Variants in ITGA1 observed in about 807,000 individuals in gnomAD.
ITGA1 encodes integrin subunit alpha 1.
A neutral mutation model predicts 145.9 loss-of-function variants in ITGA1; 85 were observed. That is an observed-to-expected ratio of 0.58 (90% confidence interval 0.49 to 0.70). The LOEUF is 0.70. Among genes scored for constraint, ITGA1 ranks in the 30% least tolerant of loss-of-function variants. The probability of loss-of-function intolerance (pLI) is 0.00; values close to 1 mark genes in which losing one functional copy is unlikely to be tolerated. For missense variants in ITGA1, 1,351 were observed against 1,418.7 expected (o/e 0.95, Z 0.77); for synonymous variants, 520 against 495.3 (o/e 1.05, Z -0.66).
chr5:52,909,713 T>C (rs1750468399), intron 13 of ITGA1, among the ~76,000 whole-genome samples: 1 of 151,942 alleles, frequency 6.6e-6, no homozygotes, highest in Non-Finnish European at 1.5e-5. Flanking sequence ...GGCTGTTTTG[T>C]CCTTTTTCCA....
intron 11 of ITGA1, among the ~76,000 whole-genome samples, chr5:52,901,347 C>G (rs573466129): frequency 6.6e-6 from 1 of 152,268 alleles, no homozygotes; most frequent in East Asian, 1.9e-4. Flanking sequence ...AGCTCTATGC[C>G]AGACTTCTAA....
At chr5:52,803,941 A>G (rs530494355) in intron 1 of ITGA1, 2 of 152,316 alleles carry the variant, frequency 1.3e-5, no homozygotes, top group South Asian at 2.1e-4. Flanking sequence ...AGGTCTTTCA[A>G]AAAAGTTAAC....
At chr5:52,874,706 T>C (rs531897782) in intron 6 of ITGA1, among the ~76,000 whole-genome samples, 1 of 152,300 alleles carries the variant, frequency 6.6e-6, no homozygotes, top group East Asian at 1.9e-4. Flanking sequence ...TCAAGTATTA[T>C]GCTAGGTGTC....
At chr5:52,911,211 A>G (rs1389265185) in intron 14 of ITGA1, among the ~76,000 whole-genome samples, 1 of 136,396 alleles carries the variant, frequency 7.3e-6, no homozygotes, top group Non-Finnish European at 1.5e-5. Flanking sequence ...TATATAATAT[A>G]TAGTGTATAT....
At chr5:52,946,714 A>G (rs981774994) in intron 27 of ITGA1, among the ~76,000 whole-genome samples, 1 of 152,174 alleles carries the variant, frequency 6.6e-6, no homozygotes, top group African/African-American at 2.4e-5. Flanking sequence ...TAGCTGGAAC[A>G]CTAAAAGCGG....
At chr5:52,927,733 T>C in intron 20 of ITGA1, 69 bp downstream of exon 20, 1 of 1,010,726 alleles carries the variant, frequency 9.9e-7, no homozygotes, top group Non-Finnish European at 1.5e-6. Flanking sequence ...GACAAATATA[T>C]AAATCCTTCC....
chr5:52,920,824 G>C (rs1241351220), intron 17 of ITGA1, among the ~76,000 whole-genome samples: 2 of 152,150 alleles, frequency 1.3e-5, no homozygotes, highest in Non-Finnish European at 2.9e-5. Flanking sequence ...TGTGGGCCTT[G>C]TCTGTCAGTT....
At chr5:52,888,633 G>A (rs1328755254) in intron 8 of ITGA1, among the ~76,000 whole-genome samples, 2 of 152,238 alleles carry the variant, frequency 1.3e-5, no homozygotes, top group Admixed American at 6.5e-5. Context: ...AGACATTCTA[G>A]TGGGGAACAA....
chr5:52,856,549 T>C, intron 2 of ITGA1, among the ~76,000 whole-genome samples: 1 of 152,146 alleles, frequency 6.6e-6, no homozygotes, highest in East Asian at 1.9e-4. Context: ...CCAGAGGAGC[T>C]GCCTGACAGA....
intron 6 of ITGA1, among the ~76,000 whole-genome samples, chr5:52,869,851 T>C (rs896989210): frequency 3.3e-5 from 5 of 152,186 alleles, no homozygotes; most frequent in South Asian, 2.1e-4. Context: ...TTTTGGCTTA[T>C]GTTTTATCAG....
At chr5:52,896,584 G>A (rs538714529) in intron 9 of ITGA1, among the ~76,000 whole-genome samples, 4 of 152,072 alleles carry the variant, frequency 2.6e-5, no homozygotes, top group African/African-American at 7.2e-5. Flanking sequence ...TTGCCTCAAC[G>A]AAAGGGCAGA....
At chr5:52,812,893 C>T (rs1384312063) in intron 1 of ITGA1, among the ~76,000 whole-genome samples, 1 of 125,338 alleles carries the variant, frequency 8.0e-6, no homozygotes, top group Non-Finnish European at 1.6e-5. Flanking sequence ...CTGTTCCTAA[C>T]ATAAATCTCT....
At chr5:52,908,755 C>G in intron 12 of ITGA1, 143 bp from the exon 13 acceptor site, 1 of 796,118 alleles carries the variant, frequency 1.3e-6, no homozygotes, top group Non-Finnish European at 2.0e-6. Context: ...AAATAACTTT[C>G]AGGGAGCATC....
chr5:52,840,694 T>C (rs1420143631), intron 1 of ITGA1, among the ~76,000 whole-genome samples: 1 of 152,166 alleles, frequency 6.6e-6, no homozygotes, highest in Admixed American at 6.5e-5. Context: ...AACAAACTTA[T>C]GTAGAAAAAT....
intron 1 of ITGA1, chr5:52,825,152 C>CT (rs1304649304): frequency 1.3e-5 from 2 of 152,226 alleles, no homozygotes; most frequent in African/African-American, 4.8e-5. Flanking sequence ...TTTTCTGTTC[C>CT]TATTAACATG....
Position 52,949,926 on chromosome 5 carries a change from C to T in ITGA1, c.3495+2465C>T, listed in dbSNP as rs78903927. Among the ~76,000 whole-genome samples, 452 of 152,274 alleles carry T rather than the reference C, an allele frequency of 3.0e-3. 4 individuals carry two copies. The highest frequency in any genetic ancestry group is 0.01 in the African/African-American group (417 of 41,542). On this transcript the variant is annotated intron_variant, in intron 28 of 28. Transcript: ENST00000282588. ...TCCCTTCTTCCTTCCTTTCCTGAATCCCACCAGTTTGGAGTTCATTGGAAC... is the reference window on the plus strand; with the variant it reads ...TCCCTTCTTCCTTCCTTTCCTGAATTCCACCAGTTTGGAGTTCATTGGAAC...
At chr5:52,818,148 A>G (rs1667396949) in intron 1 of ITGA1, among the ~76,000 whole-genome samples, 1 of 152,208 alleles carries the variant, frequency 6.6e-6, no homozygotes. Context: ...GAGGAAAAAG[A>G]ATGTATATGC....
Position 52,938,802 on chromosome 5 carries a change from G to A in ITGA1, c.3079-788G>A, listed in dbSNP as rs188586811. Among the ~76,000 whole-genome samples, 177 of 152,136 alleles carry A rather than the reference G, an allele frequency of 1.2e-3. 2 individuals carry two copies. In the South Asian group the frequency reaches 0.027, roughly 23 times the overall value. On this transcript the variant is annotated intron_variant, in intron 24 of 28. Coordinates refer to ENST00000282588, the MANE Select transcript of ITGA1 (RefSeq NM_181501.2). ...TGAGTGTCCTATCCTTGGTGTGTAGGGAATCAAAAGTATTACTGGATGAAT... is the reference window on the plus strand; with the variant it reads ...TGAGTGTCCTATCCTTGGTGTGTAGAGAATCAAAAGTATTACTGGATGAAT...
In ITGA1 at chr5:52,826,289, T is replaced by C. The variant is rs1472930743; in HGVS notation, c.62-23076T>C. Among the ~76,000 whole-genome samples the C allele has an allele frequency of 3.3e-5, 5 of 152,278 alleles. No homozygotes were observed. In the South Asian group the frequency reaches 1.0e-3, roughly 32 times the overall value. On this transcript the variant is annotated intron_variant, in intron 1 of 28. Transcript: ENST00000282588. ...AATCCAAAGCAAGATCCTAACTCTC[T>C]TCAGTTCTATGAAGGCTGAGAGAGG...
Sources: allele counts gnomAD v4.1 joint callset (sites outside exome capture counted in the v4.1 genomes callset), GRCh38; gene constraint gnomAD v4.1.1; transcripts MANE v1.5; gene names NCBI Gene and HGNC (gene_info 2026-07-23, HGNC 2026-07-21).